HIVEP3: variants seen among roughly 807,000 people sequenced by gnomAD.
The protein encoded by HIVEP3 is transcription factor HIVEP3.
A neutral mutation model predicts 152.8 loss-of-function variants in HIVEP3; 49 were observed. The ratio of observed to expected loss-of-function variants is 0.32; its 90% confidence interval spans 0.26 to 0.41. The LOEUF (loss-of-function observed/expected upper bound fraction) is 0.41. Ranked by LOEUF, HIVEP3 falls within the 10% of genes least tolerant of loss-of-function variation. The pLI is 1.00. For missense variants in HIVEP3, 2,790 were observed against 3,103.3 expected, an observed-to-expected ratio of 0.90 and a Z score of 2.40; for synonymous variants, 1,269 against 1,289.0, an observed-to-expected ratio of 0.98 and a Z score of 0.33.
In HIVEP3 at chr1:41,853,791, G is replaced by A. The variant is rs541447606; in HGVS notation, c.-801+64622C>T. On this transcript the variant is annotated intron_variant, in intron 1 of 8. Coordinates refer to ENST00000372583, the MANE Select transcript of HIVEP3 (RefSeq NM_024503.5). ...CAGCTTTAGTTCAGTGGGGTTTGAG[G>A]CACTTGGGAACTCACCAAGGCGAAC... Among the ~76,000 whole-genome samples, 92 of 152,118 alleles carry A rather than the reference G, an allele frequency of 6.0e-4. 2 individuals carry two copies. The highest frequency in any genetic ancestry group is 1.5e-4 in the Non-Finnish European group (10 of 68,006).
At chr1:41,654,174 G>A (rs774083995) in intron 2 of HIVEP3, among the ~76,000 whole-genome samples, 1 of 152,144 alleles carries the variant, frequency 6.6e-6, no homozygotes, top group South Asian at 2.1e-4. Flanking sequence ...AACTTTCACT[G>A]AATACAAAGG....
In HIVEP3 at chr1:41,786,370, C is replaced by A. The variant is rs560219663; in HGVS notation, c.-800-85375G>T. 8.4e-4 allele frequency among the ~76,000 whole-genome samples: 128 copies of A among 152,320 alleles called. No individual in the cohort carries two copies. In the Middle Eastern group the frequency reaches 0.02, roughly 24 times the overall value. On this transcript the variant is annotated intron_variant, in intron 1 of 8. Transcript: ENST00000372583. ...GGCCTTTCTTACCCTATCCTCTGCT[C>A]AGGGCCTGCCCCACTTCTCAGCCTA... is the stretch of plus-strand genomic sequence containing the variant.
intron 1 of HIVEP3, among the ~76,000 whole-genome samples, chr1:41,898,800 A>G (rs1644574674): frequency 6.6e-6 from 1 of 152,228 alleles, no homozygotes; most frequent in Admixed American, 6.5e-5. Context: ...TTTTCTCTCT[A>G]GAGGGTTGTA....
intron 1 of HIVEP3, among the ~76,000 whole-genome samples, chr1:41,807,650 G>A: frequency 6.6e-6 from 1 of 152,202 alleles, no homozygotes; most frequent in African/African-American, 2.4e-5. Flanking sequence ...CTCTGGGGCT[G>A]ATGACAGAGT....
intron 2 of HIVEP3, among the ~76,000 whole-genome samples, chr1:41,630,728 C>G (rs1339096110): frequency 1.3e-5 from 2 of 152,178 alleles, no homozygotes; most frequent in African/African-American, 4.8e-5. Context: ...CACCTTGATT[C>G]AGCCCTGAGC....
At chr1:41,768,724 A>C (rs1287445683) in intron 1 of HIVEP3, among the ~76,000 whole-genome samples, 1 of 152,222 alleles carries the variant, frequency 6.6e-6, no homozygotes, top group African/African-American at 2.4e-5. Flanking sequence ...CCTCCTCTAC[A>C]CTGAGGAGTT....
chr1:41,947,602 C>T (rs570026007), intron 1 of HIVEP3, among the ~76,000 whole-genome samples: 9 of 152,330 alleles, frequency 5.9e-5, no homozygotes, highest in African/African-American at 2.2e-4. Flanking sequence ...GCAGAAGTGG[C>T]TTTCTAGGTC....
chr1:41,789,056 C>T (rs1379649732), intron 1 of HIVEP3, among the ~76,000 whole-genome samples: 6 of 152,238 alleles, frequency 3.9e-5, no homozygotes, highest in African/African-American at 1.2e-4. Context: ...TCCTCACCTG[C>T]TCCTCACAGC....
chr1:41,620,209 G>A (rs1381965883), intron 3 of HIVEP3, among the ~76,000 whole-genome samples: 1 of 152,176 alleles, frequency 6.6e-6, no homozygotes, highest in South Asian at 2.1e-4. Context: ...TGGCACAGGT[G>A]GGTCCAGTTT....
At chr1:41,979,208 GA>G (rs1645281117) in intron 1 of HIVEP3, among the ~76,000 whole-genome samples, 1 of 152,280 alleles carries the variant, frequency 6.6e-6, no homozygotes, top group East Asian at 1.9e-4. Context: ...GAAAGTTTGA[GA>G]ACCACTGTTA....
chr1:41,619,015 GC>G (rs1645008265), intron 3 of HIVEP3, among the ~76,000 whole-genome samples: 1 of 144,796 alleles, frequency 6.9e-6, no homozygotes, highest in East Asian at 2.0e-4. Flanking sequence ...TGCTGCCCCC[GC>G]CCCCTCCAGG....
chr1:41,818,765 A>C (rs1642492749), intron 1 of HIVEP3, among the ~76,000 whole-genome samples: 1 of 152,192 alleles, frequency 6.6e-6, no homozygotes. Context: ...GATTTAATAA[A>C]TGCTGGTTCT....
At chr1:41,574,140 A>G (rs1389704942) in intron 5 of HIVEP3, among the ~76,000 whole-genome samples, 1 of 152,096 alleles carries the variant, frequency 6.6e-6, no homozygotes, top group East Asian at 1.9e-4. Context: ...GGAAACACTC[A>G]GCAGCCCTCA....
intron 1 of HIVEP3, among the ~76,000 whole-genome samples, chr1:41,791,251 GC>G (rs1649677145): frequency 1.3e-5 from 2 of 152,084 alleles, no homozygotes; most frequent in Admixed American, 6.6e-5. Context: ...TGCACTAGCT[GC>G]TTTTTATCCC....
Position 41,652,382 on chromosome 1 carries a change from C to A in HIVEP3, c.-720-23435G>T, listed in dbSNP as rs145557901. ...TAAGAAACTGAAGTCCAGTTTCCAA[C>A]GAGAGGCAATCATAGCATGGAATTG... On this transcript the variant is annotated intron_variant, in intron 2 of 8. Coordinates refer to ENST00000372583, the MANE Select transcript of HIVEP3 (RefSeq NM_024503.5). Among the ~76,000 whole-genome samples the A allele has an allele frequency of 2.4e-3, 368 of 152,248 alleles. 1 individual carries two copies. The highest frequency in any genetic ancestry group is 3.5e-3 in the Non-Finnish European group (238 of 68,032).
intron 1 of HIVEP3, among the ~76,000 whole-genome samples, chr1:41,838,313 C>T (rs966852048): frequency 3.9e-5 from 6 of 152,138 alleles, no homozygotes; most frequent in African/African-American, 1.4e-4. Context: ...ACAAGGATCC[C>T]TCATACTGTG....
chr1:41,832,390 G>A (rs1642989221), intron 1 of HIVEP3, among the ~76,000 whole-genome samples: 1 of 152,086 alleles, frequency 6.6e-6, no homozygotes, highest in African/African-American at 2.4e-5. Flanking sequence ...AATTAGCCAG[G>A]CATGGTGGTG....
At chr1:41,635,783 A>AGGCCGGGCGCGGTGGCTCACGCCTGT (rs1645264561) in intron 2 of HIVEP3, among the ~76,000 whole-genome samples, 1 of 152,100 alleles carries the variant, frequency 6.6e-6, no homozygotes, top group African/African-American at 2.4e-5. Flanking sequence ...AGGTGATGTA[A>AGGCCGGGCGCGGTGGCTCACGCCTGT]ACATATACGT....
intron 2 of HIVEP3, among the ~76,000 whole-genome samples, chr1:41,653,681 G>A (rs16828527): frequency 0.015 from 2,278 of 152,254 alleles, 50 homozygotes; most frequent in African/African-American, 0.048. Flanking sequence ...ATTTCAGGGC[G>A]ACACCAAATG....
Sources: gnomAD v4.1 joint callset for allele counts (sites outside exome capture counted in the v4.1 genomes callset) on GRCh38, gnomAD v4.1.1 for gene constraint, MANE v1.5 for transcripts, NCBI Gene and HGNC (gene_info 2026-07-23, HGNC 2026-07-21) for gene names.